Variants in ATRAID observed in about 807,000 individuals in gnomAD.
The protein encoded by ATRAID is all-trans retinoic acid-induced differentiation factor.
ATRAID carries 26 observed loss-of-function variants against 28.8 expected under a neutral mutation model. The ratio of observed to expected loss-of-function variants is 0.90; its 90% confidence interval spans 0.66 to 1.25. The LOEUF (loss-of-function observed/expected upper bound fraction) is 1.25. Ranked by LOEUF, ATRAID falls within the 50% of genes most tolerant of loss-of-function variation. ATRAID has a pLI of 0.00. For missense variants in ATRAID, 308 were observed against 285.9 expected (o/e 1.08, Z -0.56); for synonymous variants, 131 against 108.5 (o/e 1.21, Z -1.29).
chr2:27,214,469 A>T (rs1307117789), intron 2 of ATRAID, among the ~76,000 whole-genome samples: 1 of 152,048 alleles, frequency 6.6e-6, no homozygotes, highest in Non-Finnish European at 1.5e-5. Flanking sequence ...ATAATATGAG[A>T]TTCACTAATG....
chr2:27,216,698 C>A, intron 6 of ATRAID, 78 bp downstream of exon 6: 1 of 1,469,806 alleles, frequency 6.8e-7, no homozygotes, highest in Non-Finnish European at 9.5e-7. Flanking sequence ...GCCACAAGAC[C>A]AGGAGCTGAT....
chr2:27,215,028 G>C (rs1674767603), intron 2 of ATRAID, among the ~76,000 whole-genome samples: 1 of 152,120 alleles, frequency 6.6e-6, no homozygotes, highest in South Asian at 2.1e-4. Flanking sequence ...TGAATTCCTA[G>C]GTTCAAGTGA....
In ATRAID at chr2:27,217,053, A is replaced by C; in HGVS notation, c.*105A>C. The C allele has an allele frequency of 1.0e-6, 1 of 971,988 alleles. No individual in the cohort carries two copies. The highest frequency in any genetic ancestry group is 1.7e-5 in the South Asian group (1 of 60,504). 60.2% of individuals were successfully genotyped at this position (971,988 alleles called of 1,614,324 possible). A position where few individuals can be genotyped will look rare whatever the true frequency, so the allele number is the denominator to read the frequency against. On this transcript the variant is annotated 3_prime_UTR_variant, in exon 7 of 7. Coordinates refer to ENST00000380171, the MANE Select transcript of ATRAID (RefSeq NM_001170795.4). ...CATCTTTCGCCAGTGGATTCGCCTC[A>C]AGGTTGAGGCCGCCATTGGAAGATG...
chr2:27,212,528 T>C, intron 1 of ATRAID, 61 bp downstream of exon 1: 1 of 1,506,156 alleles, frequency 6.6e-7, no homozygotes, highest in East Asian at 2.5e-5. Context: ...TGCGTCGCGC[T>C]CGCCAGCGGC....
intron 2 of ATRAID, among the ~76,000 whole-genome samples, chr2:27,214,115 CTGTCCTGTGGTTTCTTTTATAT>C (rs1455868645): frequency 1.3e-5 from 2 of 152,162 alleles, no homozygotes; most frequent in Non-Finnish European, 2.9e-5. Context: ...TATTTATACA[CTGTCCTGTGGTTTCTTTTATAT>C]TGTAATTTAA....
intron 1 of ATRAID, 67 bp from the exon 2 acceptor site, chr2:27,213,110 T>G: frequency 6.3e-7 from 1 of 1,582,092 alleles, no homozygotes; most frequent in African/African-American, 1.4e-5. Flanking sequence ...CAGTTAATTC[T>G]TGATCGCCGT....
At chr2:27,215,162 G>A (rs1245946797) in intron 2 of ATRAID, among the ~76,000 whole-genome samples, 159 bp from the exon 3 acceptor site, 1 of 152,144 alleles carries the variant, frequency 6.6e-6, no homozygotes, top group Non-Finnish European at 1.5e-5. Context: ...ATTGGATAAT[G>A]CAGAATTAAA....
intron 2 of ATRAID, 56 bp downstream of exon 2, chr2:27,213,354 T>A (rs1369140078): frequency 3.8e-6 from 6 of 1,574,744 alleles, no homozygotes; most frequent in African/African-American, 1.4e-5. Context: ...GCCTGGCTGC[T>A]TTTATACCCT....
rs1674679726 is a variant in ATRAID, at chr2:27,213,244, G to T, written c.167G>T (p.Arg56Leu). The T allele has an allele frequency of 6.2e-7, 1 of 1,614,026 alleles. No homozygotes were observed. The change falls in exon 2 of 7, where the codon CGA (arginine) becomes CTA (leucine). Residue 56 changes from arginine to leucine, a missense_variant. By Grantham distance (102) the Arg-to-Leu change is moderately radical. Transcript: ENST00000380171. ...SKVAFYCKTT[R>L]ELMLHARCCL... The stretch of plus-strand genomic sequence containing the variant: ...GTGGCCTTTTATTGTAAAACGACAC[G>T]AGAGCTAATGCTGCATGCCCGTTGC...
At chr2:27,212,682 C>T in intron 1 of ATRAID, 3 of 1,345,720 alleles carry the variant, frequency 2.2e-6, no homozygotes, top group Non-Finnish European at 2.9e-6. Context: ...ACCTGTGAAA[C>T]TTGATTTCGC....
chr2:27,215,562 G>A lies in ATRAID; in HGVS notation c.365+17G>A, dbSNP rs751862749. ...CCAGACTCTGTGAGTAAGGGTATGG[G>A]AAGAGAATCAAAGAGGGATGATGCT... On this transcript the variant is annotated intron_variant, in intron 4 of 6. Coordinates refer to ENST00000380171, the MANE Select transcript of ATRAID (RefSeq NM_001170795.4). 6.2e-6 allele frequency: 10 copies of A among 1,614,212 alleles called. No homozygotes were observed. The South Asian group carries it at 1.1e-4, about 18-fold the overall frequency.
chr2:27,212,376 C>G lies in ATRAID; in HGVS notation c.8C>G (p.Pro3Arg). The G allele has an allele frequency of 6.4e-7, 1 of 1,550,556 alleles. No homozygotes were observed. Reference protein sequence around the residue: MAPHDPGSLTTLV... With the variant: MARHDPGSLTTLV... ...GCACCAAGGGAACGGAAAATGGCGC[C>G]TCACGACCCGGGTAGTCTTACGACC... is the stretch of plus-strand genomic sequence containing the variant. The change falls in exon 1 of 7, where the codon CCT (proline) becomes CGT (arginine). Residue 3 changes from proline (P) to arginine (R), a missense_variant. Pro to Arg is a moderately radical substitution (Grantham distance 103). Coordinates refer to ENST00000380171, the MANE Select transcript of ATRAID (RefSeq NM_001170795.4).
Position 27,213,929 on chromosome 2 carries a change from T to C in ATRAID, c.221+631T>C, listed in dbSNP as rs143321583. On this transcript the variant is annotated intron_variant, in intron 2 of 6. Coordinates refer to ENST00000380171, the MANE Select transcript of ATRAID (RefSeq NM_001170795.4). ...TTACTACTACTAAGTTCCAGAGTAATACCTTTTTTAAATTATTATTTATTT... is the reference window on the plus strand; with the variant it reads ...TTACTACTACTAAGTTCCAGAGTAACACCTTTTTTAAATTATTATTTATTT... Among the ~76,000 whole-genome samples, 793 of 152,304 alleles carry C rather than the reference T, an allele frequency of 5.2e-3. 7 individuals are homozygous for C. The highest frequency in any genetic ancestry group is 0.018 in the African/African-American group (751 of 41,564).
intron 5 of ATRAID, 67 bp downstream of exon 5, chr2:27,215,820 A>G (rs1674803384): frequency 6.4e-7 from 1 of 1,574,080 alleles, no homozygotes. Flanking sequence ...ACTTTAGATC[A>G]GAAAGACAAA....
At position 27,215,377 on chromosome 2, in the gene ATRAID, A is replaced by G; in HGVS notation, c.278A>G (p.His93Arg). 2 of 1,614,242 alleles carry G rather than the reference A, an allele frequency of 1.2e-6. No homozygotes were observed. Among genetic ancestry groups the G allele is most frequent in the East Asian group, 2.2e-5 (1 of 44,896 alleles). Residue 93 changes from histidine (H) to arginine (R), a missense_variant, in exon 3 of 7, where the codon CAT becomes CGT. Coordinates refer to ENST00000380171, the MANE Select transcript of ATRAID (RefSeq NM_001170795.4). ...EDPGPNFHQAHTTVIIDLQAN... is the reference protein window; with the variant it reads ...EDPGPNFHQARTTVIIDLQAN... ...CCTGGTCCAAACTTTCATCAGGCAC[A>G]TACCACTGTCATCATGTAAGTAGTT...
chr2:27,212,204 A>C lies in ATRAID; in HGVS notation c.-165A>C. The C allele has an allele frequency of 6.4e-7, 1 of 1,555,508 alleles. No homozygotes were observed. Among genetic ancestry groups the C allele is most frequent in the Non-Finnish European group, 8.7e-7 (1 of 1,150,084 alleles). ...TATCCCCGAAAGAGGGCTAGGGCGC[A>C]TGAAGACCAGCGCAGAGCTCCACGA... On this transcript the variant is annotated 5_prime_UTR_variant, in exon 1 of 7. The change abolishes an upstream ATG in the 5' untranslated region. Transcript: ENST00000380171.
intron 2 of ATRAID, among the ~76,000 whole-genome samples, 192 bp from the exon 3 acceptor site, chr2:27,215,129 T>G (rs551526339): frequency 2.4e-4 from 37 of 152,290 alleles, no homozygotes; most frequent in African/African-American, 8.7e-4. Flanking sequence ...TTTAAGTAGT[T>G]ACATGTGGCA....
In ATRAID at chr2:27,212,192, G is replaced by A; in HGVS notation, c.-177G>A. ...GGGGTCGGCCAGTATCCCCGAAAGA[G>A]GGCTAGGGCGCATGAAGACCAGCGC... On this transcript the variant is annotated 5_prime_UTR_variant, in exon 1 of 7. Transcript: ENST00000380171. The A allele has an allele frequency of 6.5e-7, 1 of 1,550,154 alleles. No homozygotes were observed. The highest frequency in any genetic ancestry group is 8.7e-7 in the Non-Finnish European group (1 of 1,147,494).
At chr2:27,213,113 A>G (rs1674669107) in intron 1 of ATRAID, 64 bp from the exon 2 acceptor site, 3 of 1,583,078 alleles carry the variant, frequency 1.9e-6, no homozygotes, top group Non-Finnish European at 2.6e-6. Context: ...TTAATTCTTG[A>G]TCGCCGTTTG....
Sources: gnomAD v4.1 joint callset for allele counts (sites outside exome capture counted in the v4.1 genomes callset) on GRCh38, gnomAD v4.1.1 for gene constraint, MANE v1.5 for transcripts, NCBI Gene and HGNC (gene_info 2026-07-23, HGNC 2026-07-21) for gene names.